The following PGBD2 variants were observed in gnomAD, a reference collection of about 807,000 sequenced individuals.
The protein encoded by PGBD2 is piggyBac transposable element derived 2, also known as piggyBac transposable element-derived protein 2.
PGBD2 carries 6 observed loss-of-function variants against 8.1 expected under a neutral mutation model. The observed-to-expected ratio is 0.74, with a 90% CI of 0.40 to 1.46. PGBD2 has a LOEUF of 1.46. Among genes scored for constraint, PGBD2 ranks in the 40% most tolerant of loss-of-function variants. PGBD2 has a pLI of 0.02. For synonymous variants in PGBD2, 318 were observed against 272.2 expected, an observed-to-expected ratio of 1.17 and a Z score of -1.66; for missense variants, 802 against 739.0, an observed-to-expected ratio of 1.09 and a Z score of -0.99.
At chr1:248,875,162 G>T in the PGBD2 span, among the ~76,000 whole-genome samples, 1 of 152,006 alleles carries the variant, frequency 6.6e-6, no homozygotes. Context: ...TGAGCGTGGT[G>T]GCAGGTGCCT....
the PGBD2 span, among the ~76,000 whole-genome samples, chr1:248,881,310 G>A: frequency 2.6e-5 from 4 of 152,078 alleles, no homozygotes; most frequent in African/African-American, 4.8e-5. Flanking sequence ...GTCATTCTTT[G>A]GTTCTTGGTT....
upstream of PGBD2, among the ~76,000 whole-genome samples, chr1:248,902,972 T>G (rs1052448147): frequency 6.6e-6 from 1 of 152,090 alleles, no homozygotes; most frequent in Non-Finnish European, 1.5e-5. Flanking sequence ...TTTACCTATA[T>G]AACAAACCTG....
At chr1:248,902,168 C>T (rs949729138), upstream of PGBD2, among the ~76,000 whole-genome samples, 1 of 151,576 alleles carries the variant, frequency 6.6e-6, no homozygotes, top group Non-Finnish European at 1.5e-5. Flanking sequence ...ACTTGGGAGG[C>T]TGAGGCAGGA....
chr1:248,914,714 G>A (rs552968400), intron 2 of PGBD2, among the ~76,000 whole-genome samples: 1 of 152,306 alleles, frequency 6.6e-6, no homozygotes, highest in South Asian at 2.1e-4. Flanking sequence ...TAGCCAGGGT[G>A]ATGTGTTTAC....
chr1:248,929,171 A>G, the PGBD2 span, among the ~76,000 whole-genome samples: 1 of 152,188 alleles, frequency 6.6e-6, no homozygotes, highest in Non-Finnish European at 1.5e-5. Context: ...TTATTGCCCA[A>G]TTAATTGTAG....
At chr1:248,916,458 T>C (rs1662100228) in intron 2 of PGBD2, 144 bp from the exon 3 acceptor site, 4 of 665,376 alleles carry the variant, frequency 6.0e-6, no homozygotes, top group Non-Finnish European at 7.6e-6. Flanking sequence ...GAAAATTTAC[T>C]TACTAAATGC....
the PGBD2 span, among the ~76,000 whole-genome samples, chr1:248,899,011 C>A: frequency 2.0e-5 from 3 of 152,086 alleles, no homozygotes; most frequent in East Asian, 3.8e-4. Context: ...CAAAGAAGGG[C>A]ATTACATAAT....
chr1:248,901,117 C>A, the PGBD2 span, among the ~76,000 whole-genome samples: 6 of 152,270 alleles, frequency 3.9e-5, no homozygotes, highest in Non-Finnish European at 7.3e-5. Flanking sequence ...GGAAAACATT[C>A]CATGCTCAGG....
At chr1:248,873,124 G>A in the PGBD2 span, among the ~76,000 whole-genome samples, 1 of 151,662 alleles carries the variant, frequency 6.6e-6, no homozygotes, top group Non-Finnish European at 1.5e-5. Context: ...AAGATTCAAC[G>A]AATGAATGCC....
At chr1:248,881,130 G>A in the PGBD2 span, among the ~76,000 whole-genome samples, 12 of 152,198 alleles carry the variant, frequency 7.9e-5, no homozygotes, top group Non-Finnish European at 1.6e-4. Flanking sequence ...AACCTTCCGA[G>A]AAAAACAGTC....
chr1:248,914,489 ACAGT>A (rs1662020422), intron 2 of PGBD2: 7 of 1,288,766 alleles, frequency 5.4e-6, no homozygotes, highest in Middle Eastern at 2.1e-4. Context: ...ATGGCAGCTG[ACAGT>A]CAGTCTCCAG....
intron 1 of PGBD2, 197 bp downstream of exon 1, chr1:248,906,539 G>T (rs1198617015): frequency 6.6e-6 from 1 of 150,930 alleles, no homozygotes; most frequent in African/African-American, 2.4e-5. Flanking sequence ...CTGCGGGTTG[G>T]GGTGCGAGGC....
the PGBD2 span, among the ~76,000 whole-genome samples, chr1:248,885,055 T>A: frequency 1.3e-5 from 2 of 152,178 alleles, no homozygotes; most frequent in Non-Finnish European, 2.9e-5. Context: ...CTCAGTTTTT[T>A]AAGTGAGACT....
chr1:248,904,549 C>T (rs1178598783), upstream of PGBD2, among the ~76,000 whole-genome samples: 1 of 152,142 alleles, frequency 6.6e-6, no homozygotes, highest in East Asian at 1.9e-4. Context: ...CCAGCAAGCA[C>T]CTTATTACTC....
chr1:248,909,523 C>CA lies in PGBD2; in HGVS notation c.-48+3182dup, dbSNP rs1303664739. Among the ~76,000 whole-genome samples, 16 of 152,222 alleles carry CA rather than the reference C, an allele frequency of 1.1e-4. No homozygotes were observed. The East Asian group carries it at 1.9e-3, about 18-fold the overall frequency. Reference sequence around the variant, plus strand: ...TGGACGGGGTGCCCTGGAGTGTGGCCATTTGGCTCTGTGGCATGATTAATT... The same window carrying CA: ...TGGACGGGGTGCCCTGGAGTGTGGCCAATTTGGCTCTGTGGCATGATTAATT... On this transcript the variant is annotated intron_variant, in intron 1 of 2. Transcript: ENST00000329291.
chr1:248,891,278 A>G, the PGBD2 span, among the ~76,000 whole-genome samples: 1 of 152,280 alleles, frequency 6.6e-6, no homozygotes, highest in East Asian at 1.9e-4. Context: ...AGATAACAGT[A>G]TTAGCCTCTT....
chr1:248,894,395 A>C, the PGBD2 span, among the ~76,000 whole-genome samples: 1,812 of 152,166 alleles, frequency 0.012, 33 homozygotes, highest in African/African-American at 0.042. Context: ...TTTTAGGGTT[A>C]TATAACTTAC....
rs1662161031 is a variant in PGBD2 at position 248,917,722 on chromosome 1, G to C, written c.1138G>C (p.Glu380Gln). ...AGGAACTGTTCGTGAGTACAGGACTGAGCGATGTCCCCTAAAAGACCCCAA... is the reference window on the plus strand; with the variant it reads ...AGGAACTGTTCGTGAGTACAGGACTCAGCGATGTCCCCTAAAAGACCCCAA... ...ATGTVREYRT[E>Q]RCPLKDPKEL... Residue 380 changes from glutamate (E) to glutamine (Q), a missense_variant, in exon 3 of 3, where the codon GAG becomes CAG. Glu to Gln is a conservative substitution (Grantham distance 29). Transcript: ENST00000329291. 3 of 1,614,214 alleles carry C rather than the reference G, an allele frequency of 1.9e-6. No homozygotes were observed. The highest frequency in any genetic ancestry group is 2.5e-6 in the Non-Finnish European group (3 of 1,180,034).
At chr1:248,873,197 C>T in the PGBD2 span, among the ~76,000 whole-genome samples, 1 of 151,978 alleles carries the variant, frequency 6.6e-6, no homozygotes, top group Admixed American at 6.6e-5. Flanking sequence ...ACTGCCAGAG[C>T]TGCTCTGCAC....
Sources: allele counts gnomAD v4.1 joint callset (sites outside exome capture counted in the v4.1 genomes callset), GRCh38; gene constraint gnomAD v4.1.1; transcripts MANE v1.5; gene names NCBI Gene and HGNC (gene_info 2026-07-23, HGNC 2026-07-21).